The following RP1 variants were observed in gnomAD, a reference collection of about 807,000 sequenced individuals.
RP1 encodes RP1 axonemal microtubule associated.
Under a neutral mutation model 14.8 loss-of-function variants are expected in RP1, and 16 were observed. The ratio of observed to expected loss-of-function variants is 1.08; its 90% CI spans 0.73 to 1.65. The LOEUF (loss-of-function observed/expected upper bound fraction) is 1.65, where lower values mean the gene tolerates loss of function less well. Ranked by LOEUF, RP1 falls within the 40% of genes most tolerant of loss-of-function variation. The probability of loss-of-function intolerance (pLI) is 0.00; values close to 1 mark genes in which losing one functional copy is unlikely to be tolerated. For missense variants in RP1, 2,631 were observed against 2,535.0 expected (o/e 1.04, Z -0.81); for synonymous variants, 876 against 883.6 (o/e 0.99, Z 0.15).
intron 24 of RP1, among the ~76,000 whole-genome samples, chr8:54,788,627 CT>C (rs1810387560): frequency 6.6e-6 from 1 of 152,174 alleles, no homozygotes; most frequent in Non-Finnish European, 1.5e-5. Context: ...TTAACTTAAA[CT>C]TTTTCGTTAG....
chr8:54,870,262 T>G (rs1812559217), exon 29 of RP1: 1 of 220,326 alleles, frequency 4.5e-6, no homozygotes, highest in Non-Finnish European at 8.9e-6. Flanking sequence ...TTCTTTTCCT[T>G]TTTCTTTCAG....
intron 3 of RP1, among the ~76,000 whole-genome samples, chr8:54,636,342 C>G (rs949059223): frequency 1.3e-5 from 2 of 152,220 alleles, no homozygotes; most frequent in Non-Finnish European, 2.9e-5. Context: ...CTGTCAACAT[C>G]CACAACAAAA....
chr8:54,592,942 A>G (rs1189099939), intron 1 of RP1, among the ~76,000 whole-genome samples: 4 of 152,132 alleles, frequency 2.6e-5, no homozygotes, highest in Non-Finnish European at 5.9e-5. Flanking sequence ...TTTTGTCAAG[A>G]AAGGGGTCTA....
At chr8:54,644,448 G>A (rs961887680) in intron 3 of RP1, among the ~76,000 whole-genome samples, 8 of 152,144 alleles carry the variant, frequency 5.3e-5, no homozygotes, top group African/African-American at 1.7e-4. Flanking sequence ...TTGGTCTTCT[G>A]TGGATGCCAA....
intron 25 of RP1, among the ~76,000 whole-genome samples, chr8:54,838,827 G>T (rs934077588): frequency 2.6e-5 from 4 of 152,096 alleles, no homozygotes; most frequent in African/African-American, 9.7e-5. Flanking sequence ...ACCAAGTCTT[G>T]GCTTGGTGAT....
At chr8:54,705,180 A>G (rs1808120053) in intron 14 of RP1, among the ~76,000 whole-genome samples, 1 of 152,136 alleles carries the variant, frequency 6.6e-6, no homozygotes, top group East Asian at 1.9e-4. Context: ...ACCACTATCA[A>G]GGCTTGATAA....
Position 54,626,130 on chromosome 8 carries a change from A to G in RP1, c.2248A>G (p.Asn750Asp). ...TACTTTTTGTTCCAAAAGTAATCTC[A>G]ATTCCACGATTTCCAAGAATTTCCA... ...SNTFCSKSNL[N>D]STISKNFHRN... Residue 750 changes from asparagine to aspartate, a missense_variant, in exon 4 of 4, where the codon AAT becomes GAT. Physicochemically the swap from Asn to Asp is conservative, Grantham distance 23. Coordinates refer to ENST00000220676, the MANE Select transcript of RP1 (RefSeq NM_006269.2). 1 of 1,613,262 alleles carries G rather than the reference A, an allele frequency of 6.2e-7. No individual in the cohort carries two copies. Among genetic ancestry groups the G allele is most frequent in the Non-Finnish European group, 8.5e-7 (1 of 1,179,676 alleles).
intron 12 of RP1, among the ~76,000 whole-genome samples, chr8:54,689,317 C>T (rs1348311778): frequency 6.6e-6 from 1 of 152,082 alleles, no homozygotes; most frequent in African/African-American, 2.4e-5. Context: ...TTTCTCTTGC[C>T]TGATTGCCCT....
At chr8:54,587,252 C>A (rs1240228053) in intron 1 of RP1, among the ~76,000 whole-genome samples, 1 of 152,084 alleles carries the variant, frequency 6.6e-6, no homozygotes. Flanking sequence ...ATGGCGAAAC[C>A]CTGTCACTAC....
At chr8:54,624,443 C>CAAAAAAAAAAAAAAAAAA (rs11332494) in intron 3 of RP1, among the ~76,000 whole-genome samples, 42 of 56,594 alleles carry the variant, frequency 7.4e-4, no homozygotes, top group Admixed American at 1.0e-3. Flanking sequence ...GACTCTGTCT[C>CAAAAAAAAAAAAAAAAAA]AAAAAAAAAA....
downstream of RP1, among the ~76,000 whole-genome samples, chr8:54,772,208 CAGTT>C (rs758341231): frequency 1.3e-5 from 2 of 152,046 alleles, no homozygotes; most frequent in East Asian, 1.9e-4. Context: ...CTACATTACT[CAGTT>C]AGACTGAACT....
At chr8:54,586,738 C>A (rs1804935503) in intron 1 of RP1, among the ~76,000 whole-genome samples, 1 of 152,192 alleles carries the variant, frequency 6.6e-6, no homozygotes, top group East Asian at 1.9e-4. Context: ...GCAGTTTGAT[C>A]TCAGACTGCT....
At chr8:54,607,366 G>T (rs574558726) in intron 1 of RP1, among the ~76,000 whole-genome samples, 1 of 152,200 alleles carries the variant, frequency 6.6e-6, no homozygotes, top group African/African-American at 2.4e-5. Context: ...GTGGATATTG[G>T]TGAACAGCAA....
chr8:54,800,165 A>G (rs1235342318), intron 24 of RP1, among the ~76,000 whole-genome samples: 1 of 151,908 alleles, frequency 6.6e-6, no homozygotes, highest in Admixed American at 6.6e-5. Flanking sequence ...AAGTCAATTT[A>G]TTGTCTTCTC....
At chr8:54,559,404 T>TTTAA (rs1804233314) in intron 1 of RP1, 1 of 152,200 alleles carries the variant, frequency 6.6e-6, no homozygotes, top group African/African-American at 2.4e-5. Context: ...TTAGGCTTTT[T>TTTAA]AAAAGGGAGG....
Position 54,628,561 on chromosome 8 carries a change from T to C in RP1, c.4679T>C (p.Val1560Ala), listed in dbSNP as rs770323380. 6 of 1,613,850 alleles carry C rather than the reference T, an allele frequency of 3.7e-6. No homozygotes were observed. The highest frequency in any genetic ancestry group is 5.1e-6 in the Non-Finnish European group (6 of 1,179,842). ...KETNEGETKM[V>A]KMMVKTMETG... ...ACCAATGAAGGAGAAACTAAGATGG[T>C]AAAAATGATGGTGAAAACTATGGAA... The change falls in exon 4 of 4, where the codon GTA becomes GCA. Residue 1560 changes from valine to alanine, a missense_variant. Transcript: ENST00000220676.
At chr8:54,662,701 T>C (rs1168570987) in intron 6 of RP1, among the ~76,000 whole-genome samples, 1 of 152,180 alleles carries the variant, frequency 6.6e-6, no homozygotes, top group Non-Finnish European at 1.5e-5. Context: ...TCCAGGTCTC[T>C]GGTGCATTGA....
intron 1 of RP1, among the ~76,000 whole-genome samples, chr8:54,607,910 G>A (rs1424604409): frequency 2.0e-5 from 3 of 152,132 alleles, no homozygotes; most frequent in Non-Finnish European, 4.4e-5. Context: ...GTATTAGGGT[G>A]GGAGTGACCT....
chr8:54,598,935 G>T (rs1339846947), intron 1 of RP1, among the ~76,000 whole-genome samples: 11 of 152,122 alleles, frequency 7.2e-5, no homozygotes, highest in Non-Finnish European at 1.5e-4. Flanking sequence ...TTTGATGATG[G>T]TGTGTCTTAG....
Sources: allele counts gnomAD v4.1 joint callset (sites outside exome capture counted in the v4.1 genomes callset), GRCh38; gene constraint gnomAD v4.1.1; transcripts MANE v1.5; gene names NCBI Gene and HGNC (gene_info 2026-07-23, HGNC 2026-07-21).